The following GBF1 variants were observed in gnomAD, a reference collection of about 807,000 sequenced individuals.
GBF1 encodes golgi brefeldin A resistant guanine nucleotide exchange factor 1.
Under a neutral mutation model 210.5 loss-of-function variants are expected in GBF1, and 114 were observed. The ratio of observed to expected loss-of-function variants is 0.54; its 90% CI spans 0.47 to 0.63. The LOEUF (loss-of-function observed/expected upper bound fraction) is 0.63, where lower values mean the gene tolerates loss of function less well. Ranked by LOEUF, GBF1 falls within the 30% of genes least tolerant of loss-of-function variation. The pLI is 0.00. For missense variants in GBF1, 1,851 were observed against 2,357.7 expected (o/e 0.79, Z 4.45); for synonymous variants, 850 against 889.2 (o/e 0.96, Z 0.78).
rs1343153481 is a variant in GBF1, at chr10:102,297,586, C to T, written c.163+37470C>T. 2.6e-5 allele frequency among the ~76,000 whole-genome samples: 4 copies of T among 152,096 alleles called. No individual in the cohort carries two copies. In the South Asian group the frequency reaches 6.2e-4, roughly 24 times the overall value. ...GATTTGAATAGTCTTTCTACTATTCCAGCTTATTCTCTTCTTTTTTACCTT... is the reference window on the plus strand; with the variant it reads ...GATTTGAATAGTCTTTCTACTATTCTAGCTTATTCTCTTCTTTTTTACCTT... On this transcript the variant is annotated intron_variant, in intron 3 of 39. Coordinates refer to ENST00000369983, the MANE Select transcript of GBF1 (RefSeq NM_001377137.1).
At chr10:102,267,315 G>T (rs1291652577) in intron 3 of GBF1, among the ~76,000 whole-genome samples, 1 of 152,170 alleles carries the variant, frequency 6.6e-6, no homozygotes, top group Non-Finnish European at 1.5e-5. Context: ...GACCAGCCTG[G>T]CCAACATGGT....
chr10:102,302,152 G>A (rs1171743536), intron 3 of GBF1, among the ~76,000 whole-genome samples: 2 of 152,220 alleles, frequency 1.3e-5, no homozygotes, highest in Non-Finnish European at 2.9e-5. Context: ...GCAATCCCAG[G>A]CACTTGGCAG....
chr10:102,377,211 A>AGCC (rs948809352), intron 33 of GBF1, 71 bp downstream of exon 33: 6 of 1,310,310 alleles, frequency 4.6e-6, no homozygotes, highest in East Asian at 2.3e-5. Flanking sequence ...GGCCAGGGAA[A>AGCC]GCCAGGGCTG....
chr10:102,356,143 G>T (rs2059276167), intron 8 of GBF1, among the ~76,000 whole-genome samples: 2 of 152,298 alleles, frequency 1.3e-5, no homozygotes, highest in South Asian at 4.1e-4. Flanking sequence ...GGGTAGGAAT[G>T]GAAGAATTGT....
intron 4 of GBF1, among the ~76,000 whole-genome samples, chr10:102,346,085 TTTTTTTA>T (rs141958996): frequency 0.11 from 16,962 of 152,142 alleles, 1,200 homozygotes; most frequent in East Asian, 0.24. Context: ...TTATTAATAA[TTTTTTTA>T]ATTTTTATTT....
chr10:102,231,019 G>C, the GBF1 span: 1 of 1,595,556 alleles, frequency 6.3e-7, no homozygotes, highest in Non-Finnish European at 8.5e-7. Flanking sequence ...CCCGAGCGGC[G>C]CCGCGAAGCT....
intron 3 of GBF1, among the ~76,000 whole-genome samples, chr10:102,335,198 C>T (rs1467448159): frequency 6.6e-6 from 1 of 152,152 alleles, no homozygotes; most frequent in Admixed American, 6.5e-5. Context: ...GTGTTTTCTC[C>T]AATGGGGGGT....
At chr10:102,280,130 A>AAGAGAGAG (rs57985048) in intron 3 of GBF1, among the ~76,000 whole-genome samples, 4 of 150,018 alleles carry the variant, frequency 2.7e-5, no homozygotes, top group South Asian at 2.1e-4. Flanking sequence ...CTTAAAAAAA[A>AAGAGAGAG]AGAGAGAGAG....
rs557177845 is a variant in GBF1, at chr10:102,368,686, G to T, written c.2880-53G>T. On this transcript the variant is annotated intron_variant, in intron 22 of 39. Transcript: ENST00000369983. ...CCATGCAAGCTCAGGGACTTGGAAG[G>T]GCTGCTTGGCCTTCCAGTGACTCTG... 4.2e-5 allele frequency: 54 copies of T among 1,273,918 alleles called. 2 individuals carry two copies. In the South Asian group the frequency reaches 6.0e-4, roughly 14 times the overall value. 78.9% of individuals were successfully genotyped at this position (1,273,918 alleles called of 1,614,324 possible).
intron 3 of GBF1, among the ~76,000 whole-genome samples, chr10:102,308,825 T>C (rs1298710205): frequency 1.3e-5 from 2 of 151,410 alleles, no homozygotes; most frequent in African/African-American, 4.9e-5. Flanking sequence ...TGTATACATA[T>C]GTAACTAACC....
At chr10:102,360,729 G>A (rs539375214) in intron 12 of GBF1, among the ~76,000 whole-genome samples, 1 of 152,310 alleles carries the variant, frequency 6.6e-6, no homozygotes, top group East Asian at 1.9e-4. Flanking sequence ...TGTAATCCCA[G>A]CACTTTGGGA....
chr10:102,262,643 A>G (rs914441763), intron 3 of GBF1, among the ~76,000 whole-genome samples: 2 of 152,170 alleles, frequency 1.3e-5, no homozygotes, highest in Non-Finnish European at 2.9e-5. Context: ...TGCTATCCTG[A>G]CAGAGCCACA....
At chr10:102,370,151 CCT>C in intron 26 of GBF1, 21 bp from the exon 27 acceptor site, 1 of 1,586,682 alleles carries the variant, frequency 6.3e-7, no homozygotes, top group Non-Finnish European at 8.7e-7. Flanking sequence ...TCAAAGACCC[CCT>C]CTCTCTTTTG....
the GBF1 span, among the ~76,000 whole-genome samples, chr10:102,238,054 G>A: frequency 6.6e-6 from 1 of 152,162 alleles, no homozygotes; most frequent in Non-Finnish European, 1.5e-5. Flanking sequence ...ACTGAAAGGT[G>A]TAAAAAAGGC....
chr10:102,230,760 G>A, the GBF1 span: 3 of 1,492,938 alleles, frequency 2.0e-6, no homozygotes, highest in Non-Finnish European at 1.8e-6. Flanking sequence ...GCCCGGGGGG[G>A]CCCCCGCCCA....
At chr10:102,258,810 A>G (rs1292928727) in intron 1 of GBF1, 119 bp from the exon 2 acceptor site, 3 of 604,508 alleles carry the variant, frequency 5.0e-6, no homozygotes, top group Non-Finnish European at 9.0e-6. Context: ...AAAGAAAGAA[A>G]ATCTTGGTAC....
intron 32 of GBF1, 43 bp downstream of exon 32, chr10:102,376,843 A>G: frequency 4.3e-6 from 7 of 1,609,716 alleles, no homozygotes; most frequent in Middle Eastern, 1.7e-4. Context: ...TAGCCATGCA[A>G]TTATGCAGGG....
intron 33 of GBF1, among the ~76,000 whole-genome samples, chr10:102,378,866 C>T (rs565400303): frequency 4.6e-5 from 7 of 151,972 alleles, no homozygotes; most frequent in African/African-American, 1.2e-4. Flanking sequence ...CCCAGGAGTT[C>T]GAGGCTGCAG....
intron 1 of GBF1, among the ~76,000 whole-genome samples, chr10:102,249,671 G>T (rs915334053): frequency 9.3e-5 from 14 of 151,114 alleles, no homozygotes; most frequent in Admixed American, 7.9e-4. Flanking sequence ...TAAAAGCTCT[G>T]CATCTTTAGT....
Sources: allele counts gnomAD v4.1 joint callset (sites outside exome capture counted in the v4.1 genomes callset), GRCh38; gene constraint gnomAD v4.1.1; transcripts MANE v1.5; gene names NCBI Gene and HGNC (gene_info 2026-07-23, HGNC 2026-07-21).